STK33: variants seen among roughly 807,000 people sequenced by gnomAD.
STK33 encodes serine/threonine kinase 33, also known as serine/threonine-protein kinase 33.
Under a neutral mutation model 58.0 loss-of-function variants are expected in STK33, and 52 were observed. That is an observed-to-expected ratio of 0.90 (90% CI 0.72 to 1.13). The LOEUF (loss-of-function observed/expected upper bound fraction) is 1.13. STK33 is among the 50% of genes most tolerant of loss of function. The pLI, the probability that STK33 is intolerant of heterozygous loss-of-function variation, is 0.00. For synonymous variants in STK33, 215 were observed against 200.1 expected, an observed-to-expected ratio of 1.07 and a Z score of -0.63; for missense variants, 630 against 604.2, an observed-to-expected ratio of 1.04 and a Z score of -0.45.
At chr11:8,434,265 A>T (rs936105479) in intron 14 of STK33, 1 of 214,200 alleles carries the variant, frequency 4.7e-6, no homozygotes, top group Admixed American at 6.0e-5. Flanking sequence ...AAAAAAAAAA[A>T]AGAATATTAT....
At chr11:8,576,978 T>A (rs772001175) in intron 1 of STK33, among the ~76,000 whole-genome samples, 60 of 152,270 alleles carry the variant, frequency 3.9e-4, no homozygotes, top group Admixed American at 1.0e-3. Context: ...ATAAATTATA[T>A]GCTATAAGTG....
At chr11:8,505,929 A>G (rs1951832816) in intron 1 of STK33, among the ~76,000 whole-genome samples, 1 of 152,224 alleles carries the variant, frequency 6.6e-6, no homozygotes, top group Admixed American at 6.5e-5. Context: ...GTTTACTTAC[A>G]CATAAAATGA....
chr11:8,390,034 T>C (rs1848596811), downstream of STK33, among the ~76,000 whole-genome samples: 1 of 152,204 alleles, frequency 6.6e-6, no homozygotes, highest in Admixed American at 6.5e-5. Context: ...CAGAACCATG[T>C]GTTGTCATCC....
intron 1 of STK33, among the ~76,000 whole-genome samples, chr11:8,579,219 A>C (rs1958393562): frequency 6.6e-6 from 1 of 152,020 alleles, no homozygotes; most frequent in Non-Finnish European, 1.5e-5. Context: ...GCAATTAGGA[A>C]CCATCATACA....
intron 1 of STK33, among the ~76,000 whole-genome samples, chr11:8,543,572 G>A (rs1040642609): frequency 6.6e-6 from 1 of 152,104 alleles, no homozygotes; most frequent in African/African-American, 2.4e-5. Context: ...GATGTAGAAA[G>A]TAGAAGGATG....
chr11:8,558,597 C>G (rs1207511753), intron 1 of STK33, among the ~76,000 whole-genome samples: 1 of 152,014 alleles, frequency 6.6e-6, no homozygotes, highest in African/African-American at 2.4e-5. Context: ...TATCTGAAAT[C>G]AGAAGGAAAG....
chr11:8,335,851 C>T, the STK33 span, among the ~76,000 whole-genome samples: 1 of 152,212 alleles, frequency 6.6e-6, no homozygotes, highest in Non-Finnish European at 1.5e-5. Flanking sequence ...GTGTATTTTA[C>T]ACTCACAGCA....
chr11:8,542,734 T>G (rs541945937), intron 1 of STK33, among the ~76,000 whole-genome samples: 1 of 152,304 alleles, frequency 6.6e-6, no homozygotes, highest in African/African-American at 2.4e-5. Flanking sequence ...TTGCACTTTT[T>G]TTTTAAGACA....
At chr11:8,481,631 T>C (rs1478170982) in intron 1 of STK33, among the ~76,000 whole-genome samples, 3 of 152,164 alleles carry the variant, frequency 2.0e-5, no homozygotes, top group South Asian at 2.1e-4. Flanking sequence ...CTCCATCTTG[T>C]AGCTTTCCTT....
At chr11:8,339,204 G>A in the STK33 span, among the ~76,000 whole-genome samples, 1 of 152,174 alleles carries the variant, frequency 6.6e-6, no homozygotes, top group East Asian at 1.9e-4. Flanking sequence ...GGGGCTCCGA[G>A]GGATTTATTA....
intron 1 of STK33, among the ~76,000 whole-genome samples, chr11:8,496,291 A>T (rs1010035985): frequency 6.6e-6 from 1 of 152,206 alleles, no homozygotes; most frequent in African/African-American, 2.4e-5. Flanking sequence ...TGTCTTTCTT[A>T]TAATTCTAAT....
At chr11:8,471,444 C>T (rs1037546504) in intron 6 of STK33, among the ~76,000 whole-genome samples, 2 of 152,062 alleles carry the variant, frequency 1.3e-5, no homozygotes, top group Non-Finnish European at 2.9e-5. Context: ...AAGTCCATGA[C>T]ATAGTGTACA....
chr11:8,364,021 C>G, the STK33 span, among the ~76,000 whole-genome samples: 14 of 152,316 alleles, frequency 9.2e-5, no homozygotes, highest in Non-Finnish European at 1.9e-4. Flanking sequence ...GATCTGCTTC[C>G]AACATTTCCT....
chr11:8,523,132 C>T (rs975982481), intron 1 of STK33, among the ~76,000 whole-genome samples: 24 of 152,326 alleles, frequency 1.6e-4, no homozygotes, highest in Non-Finnish European at 2.4e-4. Context: ...GGCGTGATCT[C>T]GGCTGGCTAC....
At chr11:8,544,483 AT>A (rs1413595026) in intron 1 of STK33, among the ~76,000 whole-genome samples, 1 of 151,204 alleles carries the variant, frequency 6.6e-6, no homozygotes, top group Non-Finnish European at 1.5e-5. Context: ...AGTAAATTTT[AT>A]TTTTTCTTTA....
rs188240050 is a variant in STK33, at chr11:8,543,213, C to A, written c.-466+50870G>T. Among the ~76,000 whole-genome samples, 389 of 152,222 alleles carry A rather than the reference C, an allele frequency of 2.6e-3. 1 individual carries two copies. Among genetic ancestry groups the A allele is most frequent in the African/African-American group, 9.2e-3 (381 of 41,522 alleles). ...TTTTCCAAGGAATCTAAAAGAGGGA[C>A]GCATATTCACCATTTAATTGTCACT... On this transcript the variant is annotated intron_variant, in intron 1 of 15. Coordinates refer to ENST00000687296, the MANE Select transcript of STK33 (RefSeq NM_001352389.2).
Position 8,434,843 on chromosome 11 carries a change from C to G in STK33, c.1146+651G>C, listed in dbSNP as rs186541267. Among the ~76,000 whole-genome samples, 672 of 152,250 alleles carry G rather than the reference C, an allele frequency of 4.4e-3. 2 individuals are homozygous for G. Among genetic ancestry groups the G allele is most frequent in the Non-Finnish European group, 6.9e-3 (470 of 68,016 alleles). ...ACTAGCAAAGAACACTGGGGAAGAG[C>G]CTTTTAACTGGACAGCAATGTTTCC... On this transcript the variant is annotated intron_variant, in intron 14 of 15. Transcript: ENST00000687296.
intron 1 of STK33, among the ~76,000 whole-genome samples, chr11:8,565,001 T>C (rs1302121613): frequency 6.6e-6 from 1 of 152,134 alleles, no homozygotes; most frequent in African/African-American, 2.4e-5. Context: ...CAGACCAAAT[T>C]AGTGATCCCT....
At chr11:8,467,838 G>A (rs998129767) in intron 6 of STK33, among the ~76,000 whole-genome samples, 2 of 152,168 alleles carry the variant, frequency 1.3e-5, no homozygotes, top group African/African-American at 4.8e-5. Context: ...CCAGCTACTT[G>A]GGAGGCTGAG....
Sources: allele counts gnomAD v4.1 joint callset (sites outside exome capture counted in the v4.1 genomes callset), GRCh38; gene constraint gnomAD v4.1.1; transcripts MANE v1.5; gene names NCBI Gene and HGNC (gene_info 2026-07-23, HGNC 2026-07-21).